Variants in SEMA3A observed in about 807,000 individuals in gnomAD.
SEMA3A encodes semaphorin-3A.
In SEMA3A, 29 loss-of-function variants were observed where a neutral mutation model predicts 97.9. The observed-to-expected ratio is 0.30, with a 90% CI of 0.22 to 0.40. The LOEUF (loss-of-function observed/expected upper bound fraction) is 0.40, where lower values mean the gene tolerates loss of function less well. SEMA3A is among the 10% of genes least tolerant of loss of function. The pLI is 1.00. For synonymous variants in SEMA3A, 321 were observed against 323.7 expected (o/e 0.99, Z 0.09); for missense variants, 763 against 951.3 (o/e 0.80, Z 2.60).
intron 3 of SEMA3A, among the ~76,000 whole-genome samples, chr7:84,203,351 T>C (rs573260762): frequency 6.6e-6 from 1 of 151,078 alleles, no homozygotes; most frequent in East Asian, 1.9e-4. Context: ...TTATTTTTAA[T>C]GCTCAGCATA....
intron 6 of SEMA3A, among the ~76,000 whole-genome samples, chr7:84,045,078 T>A (rs973541977): frequency 2.0e-5 from 3 of 151,966 alleles, no homozygotes; most frequent in Non-Finnish European, 2.9e-5. Context: ...AGAACAAAGG[T>A]TGTCACACAA....
chr7:84,459,750 G>A (rs1805775509), intron 1 of SEMA3A, among the ~76,000 whole-genome samples: 1 of 152,130 alleles, frequency 6.6e-6, no homozygotes, highest in South Asian at 2.1e-4. Context: ...AATCCTGGCA[G>A]AGCTTGGTGG....
intron 3 of SEMA3A, among the ~76,000 whole-genome samples, chr7:84,128,316 G>C (rs1485047634): frequency 6.6e-6 from 1 of 151,618 alleles, no homozygotes; most frequent in Non-Finnish European, 1.5e-5. Context: ...AAAAAGAAAA[G>C]GAAAGAGGAG....
chr7:84,490,959 G>A (rs1454300046), intron 1 of SEMA3A, among the ~76,000 whole-genome samples: 3 of 152,122 alleles, frequency 2.0e-5, no homozygotes, highest in East Asian at 1.9e-4. Context: ...AACGATTGTC[G>A]GTTAAAGTAT....
intron 4 of SEMA3A, among the ~76,000 whole-genome samples, chr7:84,078,330 G>A (rs1256704063): frequency 1.3e-5 from 2 of 151,970 alleles, no homozygotes; most frequent in Non-Finnish European, 2.9e-5. Flanking sequence ...GGGTTTTCAA[G>A]GGAGAATTTA....
chr7:84,138,085 A>G (rs1466144666), intron 1 of SEMA3A, among the ~76,000 whole-genome samples: 1 of 152,184 alleles, frequency 6.6e-6, no homozygotes, highest in East Asian at 1.9e-4. Context: ...TACTAGAACA[A>G]GCATTTCCTA....
At chr7:84,310,373 T>G (rs1223961167) in intron 2 of SEMA3A, among the ~76,000 whole-genome samples, 2 of 152,046 alleles carry the variant, frequency 1.3e-5, no homozygotes, top group Non-Finnish European at 2.9e-5. Flanking sequence ...GACAGTTGTT[T>G]TTTTTTTATT....
At chr7:84,212,402 C>T (rs1050830083) in intron 3 of SEMA3A, among the ~76,000 whole-genome samples, 6 of 152,196 alleles carry the variant, frequency 3.9e-5, no homozygotes, top group African/African-American at 4.8e-5. Flanking sequence ...ATTTCATCTA[C>T]TTCTCCATTT....
chr7:84,140,141 C>G (rs2158567), intron 1 of SEMA3A, among the ~76,000 whole-genome samples: 3 of 151,836 alleles, frequency 2.0e-5, no homozygotes, highest in African/African-American at 7.3e-5. Flanking sequence ...AAATCATGCA[C>G]GAGGATTGGG....
At chr7:84,152,966 A>G (rs192222685) in intron 1 of SEMA3A, among the ~76,000 whole-genome samples, 92 of 152,238 alleles carry the variant, frequency 6.0e-4, no homozygotes, top group African/African-American at 2.0e-3. Flanking sequence ...TATCATTTCT[A>G]AGTACTCAAG....
At chr7:83,997,782 G>A (rs1790278372) in intron 12 of SEMA3A, among the ~76,000 whole-genome samples, 1 of 151,002 alleles carries the variant, frequency 6.6e-6, no homozygotes, top group Non-Finnish European at 1.5e-5. Flanking sequence ...CATCATCAGG[G>A]CTGGAGTGCA....
chr7:84,485,022 GA>G (rs1399340953), intron 1 of SEMA3A, among the ~76,000 whole-genome samples: 1 of 152,064 alleles, frequency 6.6e-6, no homozygotes, highest in Non-Finnish European at 1.5e-5. Context: ...AGAAAGTCAA[GA>G]AAATAGAACA....
chr7:84,206,720 G>A (rs1368371496), intron 3 of SEMA3A, among the ~76,000 whole-genome samples: 1 of 151,964 alleles, frequency 6.6e-6, no homozygotes, highest in African/African-American at 2.4e-5. Flanking sequence ...CTGACCTCAG[G>A]TGATCCAACC....
chr7:84,371,516 T>C (rs1802976951), intron 2 of SEMA3A, among the ~76,000 whole-genome samples: 1 of 151,908 alleles, frequency 6.6e-6, no homozygotes, highest in Non-Finnish European at 1.5e-5. Context: ...CAACTCATAA[T>C]TAAGATATAA....
At chr7:84,171,746 T>C (rs954311918) in intron 1 of SEMA3A, among the ~76,000 whole-genome samples, 3 of 152,164 alleles carry the variant, frequency 2.0e-5, no homozygotes, top group African/African-American at 7.2e-5. Flanking sequence ...CTTGAACTGC[T>C]TTGATTAAAA....
intron 1 of SEMA3A, among the ~76,000 whole-genome samples, chr7:84,186,469 T>G (rs2116253574): frequency 6.6e-6 from 1 of 152,326 alleles, no homozygotes. Flanking sequence ...GAACAGCATT[T>G]ATTCTCTTGA....
At chr7:84,444,762 G>A (rs573497905) in intron 1 of SEMA3A, among the ~76,000 whole-genome samples, 6 of 151,846 alleles carry the variant, frequency 4.0e-5, no homozygotes, top group Admixed American at 1.3e-4. Context: ...GGGGTTCACC[G>A]TGTTAGCCAG....
intron 1 of SEMA3A, among the ~76,000 whole-genome samples, chr7:84,413,717 T>A (rs1804345434): frequency 1.3e-5 from 2 of 152,108 alleles, no homozygotes; most frequent in African/African-American, 4.8e-5. Flanking sequence ...ATTGCGTATG[T>A]AGAGAGAAAA....
At chr7:84,335,083 T>G (rs1802004619) in intron 2 of SEMA3A, among the ~76,000 whole-genome samples, 1 of 152,200 alleles carries the variant, frequency 6.6e-6, no homozygotes, top group Non-Finnish European at 1.5e-5. Flanking sequence ...CTTAAAATTT[T>G]CAATTTTTTG....
Sources: allele counts gnomAD v4.1 joint callset (sites outside exome capture counted in the v4.1 genomes callset), GRCh38; gene constraint gnomAD v4.1.1; transcripts MANE v1.5; gene names NCBI Gene and HGNC (gene_info 2026-07-23, HGNC 2026-07-21).